Variants in PGAP1 observed in about 807,000 individuals in gnomAD.
The protein encoded by PGAP1 is GPI inositol-deacylase.
Under a neutral mutation model 127.0 loss-of-function variants are expected in PGAP1, and 76 were observed. That is an observed-to-expected ratio of 0.60 (90% CI 0.50 to 0.72). PGAP1 has a LOEUF of 0.72. Ranked by LOEUF, PGAP1 falls within the 30% of genes least tolerant of loss-of-function variation. The pLI is 0.00. For missense variants in PGAP1, 982 were observed against 1,071.3 expected, an observed-to-expected ratio of 0.92 and a Z score of 1.16; for synonymous variants, 362 against 366.5, an observed-to-expected ratio of 0.99 and a Z score of 0.14.
At chr2:196,870,851 C>A in intron 19 of PGAP1, 90 bp downstream of exon 19, 1 of 1,099,996 alleles carries the variant, frequency 9.1e-7, no homozygotes, top group South Asian at 1.4e-5. Flanking sequence ...ATTGATTATC[C>A]AGCCCCTTAT....
intron 1 of PGAP1, chr2:196,922,023 G>A: frequency 2.0e-6 from 1 of 504,918 alleles, no homozygotes; most frequent in Non-Finnish European, 2.8e-6. Flanking sequence ...ACTTACAGGA[G>A]CAGGACTCCA....
intron 3 of PGAP1, among the ~76,000 whole-genome samples, chr2:196,913,689 T>C (rs148899920): frequency 6.6e-6 from 1 of 152,312 alleles, no homozygotes; most frequent in East Asian, 1.9e-4. Context: ...ATCCTTCCTA[T>C]GTACCATCGC....
intron 1 of PGAP1, among the ~76,000 whole-genome samples, chr2:196,921,587 CAG>C (rs764034539): frequency 8.6e-5 from 13 of 152,006 alleles, no homozygotes; most frequent in Non-Finnish European, 1.9e-4. Flanking sequence ...AGTAGCTAAA[CAG>C]AGTTTGGACA....
chr2:196,867,977 C>T lies in PGAP1; in HGVS notation c.1768-2897G>A, dbSNP rs538675052. ...CTAATACCAAATCATACATGACAAG[C>T]TGGGAAATATACTCTACTTATCGAG... On this transcript the variant is annotated intron_variant, in intron 19 of 26. Transcript: ENST00000354764. 2.0e-5 allele frequency among the ~76,000 whole-genome samples: 3 copies of T among 152,296 alleles called. No individual in the cohort carries two copies. In the South Asian group the frequency reaches 6.2e-4, roughly 32 times the overall value.
Position 196,839,435 on chromosome 2 carries a change from C to T in PGAP1, c.*1799G>A, listed in dbSNP as rs1366536100. The stretch of plus-strand genomic sequence containing the variant: ...ATCTAATAAATTCTCTCTCTTTCCT[C>T]TCCAGCTGAAACATATAGCACTTTG... On this transcript the variant is annotated 3_prime_UTR_variant, in exon 27 of 27. Coordinates refer to ENST00000354764, the MANE Select transcript of PGAP1 (RefSeq NM_024989.4). 3 of 152,226 alleles carry T rather than the reference C, an allele frequency of 2.0e-5. No homozygotes were observed. Among genetic ancestry groups the T allele is most frequent in the African/African-American group, 7.2e-5 (3 of 41,448 alleles). The allele number at this position is 152,226 out of a possible 1,614,324, so 9.4% of individuals were successfully genotyped here.
At chr2:196,902,456 C>A (rs1423080849) in intron 5 of PGAP1, 129 bp downstream of exon 5, 2 of 646,856 alleles carry the variant, frequency 3.1e-6, no homozygotes, top group Non-Finnish European at 5.1e-6. Context: ...TACACACATG[C>A]ATGCCCACAC....
At chr2:196,904,336 T>C (rs1237152639) in intron 4 of PGAP1, among the ~76,000 whole-genome samples, 3 of 152,162 alleles carry the variant, frequency 2.0e-5, no homozygotes, top group Admixed American at 2.0e-4. Context: ...GCGCTATGCT[T>C]GGCCACAACT....
At chr2:196,865,279 C>A (rs1701203320) in intron 19 of PGAP1, among the ~76,000 whole-genome samples, 199 bp from the exon 20 acceptor site, 1 of 152,086 alleles carries the variant, frequency 6.6e-6, no homozygotes, top group Non-Finnish European at 1.5e-5. Context: ...AATTTTTCAT[C>A]AAAGGCATAA....
intron 14 of PGAP1, among the ~76,000 whole-genome samples, chr2:196,874,873 G>A (rs1222583805): frequency 1.3e-5 from 2 of 152,084 alleles, no homozygotes; most frequent in African/African-American, 4.8e-5. Context: ...AAAATTAGCT[G>A]AGCATGGTGT....
intron 10 of PGAP1, 88 bp from the exon 11 acceptor site, chr2:196,885,968 T>C: frequency 1.2e-6 from 1 of 836,036 alleles, no homozygotes; most frequent in East Asian, 3.1e-5. Flanking sequence ...CACTTTTTAT[T>C]GTTATATGAT....
rs1170063708 is a variant in PGAP1 at position 196,839,810 on chromosome 2, G to A, written c.*1424C>T. On this transcript the variant is annotated 3_prime_UTR_variant, in exon 27 of 27. Transcript: ENST00000354764. ...TGCAATGGCAGATAAAATAAAACTG[G>A]TGCTCGAGGACATCCCTGGGTACTA... 6.6e-6 allele frequency: 1 copy of A among 152,200 alleles called. No individual in the cohort carries two copies. Among genetic ancestry groups the A allele is most frequent in the African/African-American group, 2.4e-5 (1 of 41,446 alleles). The allele number at this position is 152,200 out of a possible 1,614,324, so 9.4% of individuals were successfully genotyped here.
In PGAP1 at chr2:196,835,662, T is replaced by C. The variant is rs1700218387; in HGVS notation, c.*5572A>G. 1 of 152,510 alleles carries C rather than the reference T, an allele frequency of 6.6e-6. No individual in the cohort carries two copies. Among genetic ancestry groups the C allele is most frequent in the African/African-American group, 2.4e-5 (1 of 41,464 alleles). 9.4% of individuals were successfully genotyped at this position (152,510 alleles called of 1,614,324 possible). ...GATTATTTTTGCTTTAATCCTAATA[T>C]GCTAAGAAAAGTTCATTGGCACAAA... On this transcript the variant is annotated 3_prime_UTR_variant, in exon 27 of 27. Transcript: ENST00000354764.
intron 20 of PGAP1, among the ~76,000 whole-genome samples, chr2:196,853,451 A>C (rs1700780955): frequency 6.6e-6 from 1 of 152,222 alleles, no homozygotes; most frequent in Admixed American, 6.5e-5. Flanking sequence ...CTCTGTTCCC[A>C]ATACTAGCTT....
At chr2:196,847,457 TC>T in intron 21 of PGAP1, 5 of 233,952 alleles carry the variant, frequency 2.1e-5, no homozygotes, top group East Asian at 7.8e-5. Context: ...AGTAATATGT[TC>T]TTTTTTTTTT....
At chr2:196,924,671 A>G (rs1208676071) in intron 1 of PGAP1, among the ~76,000 whole-genome samples, 3 of 152,200 alleles carry the variant, frequency 2.0e-5, no homozygotes, top group African/African-American at 7.2e-5. Context: ...ACCCCAAAAA[A>G]GCAACTTAAA....
intron 3 of PGAP1, among the ~76,000 whole-genome samples, chr2:196,914,619 CAAACAAAACAAAACAAAACA>C (rs74337641): frequency 5.1e-4 from 74 of 144,476 alleles, no homozygotes; most frequent in African/African-American, 8.3e-4. Flanking sequence ...GACCCTGTCT[CAAACAAAACAAAACAAAACA>C]AAACAAAACA....
chr2:196,868,300 G>GT (rs1043380291), intron 19 of PGAP1, among the ~76,000 whole-genome samples: 8 of 152,136 alleles, frequency 5.3e-5, no homozygotes, highest in African/African-American at 1.7e-4. Flanking sequence ...TTAGAATATT[G>GT]TAAGAGGTCC....
At chr2:196,859,202 CT>C (rs1700983815) in intron 20 of PGAP1, among the ~76,000 whole-genome samples, 1 of 152,142 alleles carries the variant, frequency 6.6e-6, no homozygotes, top group Non-Finnish European at 1.5e-5. Flanking sequence ...TGGCACACAC[CT>C]GTAATCCCAG....
intron 19 of PGAP1, among the ~76,000 whole-genome samples, chr2:196,866,805 C>A (rs1218923992): frequency 6.6e-6 from 1 of 151,706 alleles, no homozygotes; most frequent in East Asian, 1.9e-4. Context: ...AAAAAGTGGG[C>A]AAAGGATATG....
Sources: gnomAD v4.1 joint callset for allele counts (sites outside exome capture counted in the v4.1 genomes callset) on GRCh38, gnomAD v4.1.1 for gene constraint, MANE v1.5 for transcripts, NCBI Gene and HGNC (gene_info 2026-07-23, HGNC 2026-07-21) for gene names.